PLA2G2A: variants seen among roughly 807,000 people sequenced by gnomAD.
PLA2G2A encodes the protein phospholipase A2 group IIA.
In PLA2G2A, 6 loss-of-function variants were observed where a neutral mutation model predicts 11.2. The ratio of observed to expected loss-of-function variants is 0.54; its 90% CI spans 0.29 to 1.06. The LOEUF (loss-of-function observed/expected upper bound fraction) is 1.06. PLA2G2A is among the 50% of genes least tolerant of loss of function. PLA2G2A has a pLI of 0.08. For synonymous variants in PLA2G2A, 69 were observed against 65.8 expected, an observed-to-expected ratio of 1.05 and a Z score of -0.23; for missense variants, 133 against 177.1, an observed-to-expected ratio of 0.75 and a Z score of 1.41.
chr1:19,978,680 T>C (rs751340647), intron 2 of PLA2G2A, 54 bp downstream of exon 2: 16 of 1,601,092 alleles, frequency 1.0e-5, no homozygotes, highest in Admixed American at 1.7e-5. Context: ...GGGACAAGAG[T>C]GCTTCCCTTC....
intron 4 of PLA2G2A, among the ~76,000 whole-genome samples, chr1:19,976,714 C>T (rs1203096686): frequency 6.6e-6 from 1 of 152,224 alleles, no homozygotes; most frequent in African/African-American, 2.4e-5. Flanking sequence ...CAAGCAAAGC[C>T]TTCCAGTGCC....
At chr1:19,978,519 G>T in exon 3 of PLA2G2A, 1 of 1,613,572 alleles carries the variant, frequency 6.2e-7, no homozygotes, top group Non-Finnish European at 8.5e-7. Context: ...TGGGCCTGCA[G>T]TAGGCCTGGA....
exon 2 of PLA2G2A, chr1:19,978,847 C>G: frequency 7.1e-7 from 1 of 1,410,300 alleles, no homozygotes; most frequent in Non-Finnish European, 1.0e-6. Flanking sequence ...ACTTCTGCCC[C>G]GGCCGTCGCT....
At chr1:19,978,699 T>TCC (rs770347260) in intron 2 of PLA2G2A, 35 bp downstream of exon 2, 1 of 1,609,194 alleles carries the variant, frequency 6.2e-7, no homozygotes, top group South Asian at 1.1e-5. Context: ...TCTGGGGCTG[T>TCC]CCCCCCATGC....
chr1:19,978,357 T>C (rs781659203), intron 3 of PLA2G2A, 23 bp downstream of exon 3: 76 of 1,608,622 alleles, frequency 4.7e-5, no homozygotes, highest in Admixed American at 1.0e-4. Context: ...TCTAGGAGGG[T>C]AGGGAGGGAT....
chr1:19,975,573 C>G, downstream of PLA2G2A: 1 of 857,166 alleles, frequency 1.2e-6, no homozygotes, highest in Non-Finnish European at 2.0e-6. Context: ...TAGAAGGGCT[C>G]CTGCCTGGCC....
rs2046241731 is a variant in PLA2G2A at position 19,977,888 on chromosome 1, T to A, written c.292+127A>T. ...ACATTGGATTTTCACTTTCCTGGCT[T>A]CCCACTCAACCGTGAGCTTCCTGAA... is the stretch of plus-strand genomic sequence containing the variant. On this transcript the variant is annotated intron_variant, in intron 4 of 4. Transcript: ENST00000482011. 21 of 732,624 alleles carry A rather than the reference T, an allele frequency of 2.9e-5. 1 individual carries two copies. The highest frequency in any genetic ancestry group is 5.3e-5 in the Non-Finnish European group (21 of 393,704). 45.4% of individuals were successfully genotyped at this position (732,624 alleles called of 1,614,324 possible).
At chr1:19,978,344 G>T in intron 3 of PLA2G2A, 36 bp downstream of exon 3, 1 of 1,603,156 alleles carries the variant, frequency 6.2e-7, no homozygotes, top group Non-Finnish European at 8.5e-7. Context: ...GCCTGGGCCA[G>T]AGTCTAGGAG....
intron 4 of PLA2G2A, among the ~76,000 whole-genome samples, chr1:19,976,543 T>A (rs939352250): frequency 6.6e-6 from 1 of 152,206 alleles, no homozygotes; most frequent in African/African-American, 2.4e-5. Flanking sequence ...CACTGTCAGC[T>A]TGGCATCATG....
At chr1:19,977,453 C>A (rs1436235759) in intron 4 of PLA2G2A, among the ~76,000 whole-genome samples, 2 of 152,202 alleles carry the variant, frequency 1.3e-5, no homozygotes, top group African/African-American at 4.8e-5. Context: ...TTCTCTGCCC[C>A]CCTTCCACTT....
chr1:19,976,494 T>G (rs989960598), intron 4 of PLA2G2A, among the ~76,000 whole-genome samples: 5 of 152,178 alleles, frequency 3.3e-5, no homozygotes, highest in African/African-American at 9.7e-5. Context: ...CTTCCAGAAT[T>G]CTAGTTATGC....
At chr1:19,980,213 T>C (rs1248489607), upstream of PLA2G2A, 2 of 152,360 alleles carry the variant, frequency 1.3e-5, no homozygotes, top group Non-Finnish European at 2.9e-5. Context: ...CCCACTAACT[T>C]GGGCCAGGGC....
At chr1:19,978,355 G>A in intron 3 of PLA2G2A, 25 bp downstream of exon 3, 2 of 1,609,744 alleles carry the variant, frequency 1.2e-6, no homozygotes, top group Non-Finnish European at 1.7e-6. Context: ...AGTCTAGGAG[G>A]GTAGGGAGGG....
Position 19,978,695 on chromosome 1 carries a change from G to A in PLA2G2A, c.40+39C>T, listed in dbSNP as rs779725066. The A allele has an allele frequency of 1.2e-5, 20 of 1,611,076 alleles. No homozygotes were observed. In the South Asian group the frequency reaches 2.1e-4, roughly 17 times the overall value. On this transcript the variant is annotated intron_variant, in intron 2 of 4. Coordinates refer to ENST00000482011, the Ensembl canonical transcript of PLA2G2A. ...GGGACAAGAGTGCTTCCCTTCTGGG[G>A]CTGTCCCCCCATGCTCAGAGGTCAG...
At chr1:19,978,641 A>T (rs1306376838) in intron 2 of PLA2G2A, 93 bp downstream of exon 2, 1 of 1,594,390 alleles carries the variant, frequency 6.3e-7, no homozygotes, top group Non-Finnish European at 8.6e-7. Flanking sequence ...CCCCTGAGAG[A>T]GGATCACTGC....
intron 3 of PLA2G2A, 48 bp from the exon 4 acceptor site, chr1:19,978,169 G>T: frequency 1.4e-6 from 2 of 1,429,700 alleles, no homozygotes; most frequent in Non-Finnish European, 2.0e-6. Flanking sequence ...GCTCCAGGAG[G>T]CCTGGTGCCT....
intron 4 of PLA2G2A, among the ~76,000 whole-genome samples, chr1:19,976,595 G>A (rs560060510): frequency 6.6e-6 from 1 of 152,290 alleles, no homozygotes; most frequent in South Asian, 2.1e-4. Context: ...ATGCCTCTAT[G>A]GAGAGGCCAT....
rs2046257339 is a variant in PLA2G2A, at chr1:19,978,516, G to A, written c.49C>T (p.Gln17Ter). The change falls in exon 3 of 5, where the codon CAG (glutamine) becomes TAG (stop). Residue 17 changes from glutamine to a stop codon, truncating the protein, a stop_gained. Coordinates refer to ENST00000482011, the Ensembl canonical transcript of PLA2G2A. LOFTEE classifies it high-confidence loss of function. The stretch of plus-strand genomic sequence containing the variant: ...AAATTCACCAAATTCCCATGGGCCT[G>A]CAGTAGGCCTGGAAGGAAATTTGGG... 1.2e-6 allele frequency: 2 copies of A among 1,613,436 alleles called. No individual in the cohort carries two copies. The highest frequency in any genetic ancestry group is 1.1e-5 in the South Asian group (1 of 91,078).
chr1:19,977,833 G>A (rs1163636940), intron 4 of PLA2G2A, among the ~76,000 whole-genome samples, 182 bp downstream of exon 4: 2 of 152,174 alleles, frequency 1.3e-5, no homozygotes, highest in Non-Finnish European at 2.9e-5. Flanking sequence ...TGCCTTATCT[G>A]TTTGTTTACT....
Sources: gnomAD v4.1 joint callset for allele counts (sites outside exome capture counted in the v4.1 genomes callset) on GRCh38, gnomAD v4.1.1 for gene constraint, MANE v1.5 for transcripts, NCBI Gene and HGNC (gene_info 2026-07-23, HGNC 2026-07-21) for gene names.